Variants in FHIT observed in about 807,000 individuals in gnomAD.
The protein encoded by FHIT is fragile histidine triad diadenosine triphosphatase.
A neutral mutation model predicts 17.9 loss-of-function variants in FHIT; 19 were observed. The observed-to-expected ratio is 1.06, with a 90% confidence interval of 0.74 to 1.56. FHIT has a LOEUF of 1.56. FHIT is among the 40% of genes most tolerant of loss of function. The pLI, the probability that FHIT is intolerant of heterozygous loss-of-function variation, is 0.00. For synonymous variants in FHIT, 81 were observed against 69.7 expected, an observed-to-expected ratio of 1.16 and a Z score of -0.81; for missense variants, 248 against 189.2, an observed-to-expected ratio of 1.31 and a Z score of -1.82.
chr3:60,462,043 A>G (rs1037390747), intron 5 of FHIT, among the ~76,000 whole-genome samples: 5 of 152,204 alleles, frequency 3.3e-5, no homozygotes, highest in African/African-American at 1.2e-4. Context: ...GGTACACAGT[A>G]AAAACTAACA....
rs76920650 is a variant in FHIT, at chr3:59,946,632, T to G, written c.280-24218A>C. Among the ~76,000 whole-genome samples, 1,109 of 152,276 alleles carry G rather than the reference T, an allele frequency of 7.3e-3. 8 individuals carry two copies. The highest frequency in any genetic ancestry group is 0.025 in the African/African-American group (1,033 of 41,538). ...GGGAATGCTTCCAGCTTTTGTTCAT[T>G]TGGTATGATGTTGGCTATGGATTTG... is the stretch of plus-strand genomic sequence containing the variant. On this transcript the variant is annotated intron_variant, in intron 7 of 9. Transcript: ENST00000492590.
At chr3:60,926,744 C>T (rs1290960337) in intron 3 of FHIT, among the ~76,000 whole-genome samples, 1 of 152,042 alleles carries the variant, frequency 6.6e-6, no homozygotes, top group Non-Finnish European at 1.5e-5. Context: ...AAAAACCCTT[C>T]AAAAAATCAA....
At chr3:61,186,509 A>C (rs1243895215) in intron 2 of FHIT, among the ~76,000 whole-genome samples, 1 of 152,182 alleles carries the variant, frequency 6.6e-6, no homozygotes, top group Non-Finnish European at 1.5e-5. Flanking sequence ...AGCTGGCTGG[A>C]TATGCAAAGA....
chr3:59,995,950 G>C (rs77987618), intron 7 of FHIT, among the ~76,000 whole-genome samples: 1 of 152,152 alleles, frequency 6.6e-6, no homozygotes, highest in Non-Finnish European at 1.5e-5. Context: ...CCTTCACACA[G>C]GGGTGAGGCC....
At chr3:60,308,544 C>G (rs1708793654) in intron 5 of FHIT, among the ~76,000 whole-genome samples, 1 of 147,954 alleles carries the variant, frequency 6.8e-6, no homozygotes, top group African/African-American at 2.5e-5. Context: ...CTCAAATGCT[C>G]TTTGGACTGA....
At chr3:60,173,916 T>TATATATATATATA (rs1343702595) in intron 5 of FHIT, among the ~76,000 whole-genome samples, 12 of 68,048 alleles carry the variant, frequency 1.8e-4, no homozygotes, top group African/African-American at 3.1e-4. Flanking sequence ...TATATATATA[T>TATATATATATATA]GTTTTTTTTT....
At chr3:60,778,285 G>T (rs1333046726) in intron 4 of FHIT, among the ~76,000 whole-genome samples, 1 of 136,368 alleles carries the variant, frequency 7.3e-6, no homozygotes, top group Non-Finnish European at 1.6e-5. Flanking sequence ...TGGAAATTTT[G>T]CTATTCACAG....
intron 3 of FHIT, among the ~76,000 whole-genome samples, chr3:60,860,378 C>CATGACATACATCATATGTATAT (rs1245606241): frequency 1.9e-4 from 27 of 142,068 alleles, no homozygotes; most frequent in African/African-American, 5.7e-4. Context: ...CATATGTATA[C>CATGACATACATCATATGTATAT]ATGACATACA....
At chr3:60,186,021 G>A (rs756616188) in intron 5 of FHIT, among the ~76,000 whole-genome samples, 10 of 152,138 alleles carry the variant, frequency 6.6e-5, no homozygotes, top group Non-Finnish European at 1.2e-4. Flanking sequence ...CTGTTGAGTT[G>A]TAAGGGTTCT....
At chr3:60,556,092 T>C (rs1177537694) in intron 4 of FHIT, among the ~76,000 whole-genome samples, 4 of 152,176 alleles carry the variant, frequency 2.6e-5, no homozygotes, top group Admixed American at 6.5e-5. Flanking sequence ...GAACACTAAT[T>C]GGTCATTTTC....
At chr3:61,249,919 A>G (rs2040571996) in intron 1 of FHIT, among the ~76,000 whole-genome samples, 1 of 147,562 alleles carries the variant, frequency 6.8e-6, no homozygotes, top group South Asian at 2.1e-4. Context: ...AGAACAGCAT[A>G]TGCAATCAAT....
chr3:60,498,415 A>C (rs2034390791), intron 5 of FHIT, among the ~76,000 whole-genome samples: 1 of 152,156 alleles, frequency 6.6e-6, no homozygotes, highest in Admixed American at 6.6e-5. Context: ...TACTAGTTTA[A>C]ATTATGCTAT....
chr3:60,029,923 G>GTGTGTC (rs1559562991), intron 5 of FHIT, among the ~76,000 whole-genome samples: 14 of 151,510 alleles, frequency 9.2e-5, no homozygotes, highest in Admixed American at 8.5e-4. Context: ...GTGTGTGTGT[G>GTGTGTC]TGTGTACAAA....
At chr3:60,710,074 T>TAAAAAA (rs782196858) in intron 4 of FHIT, among the ~76,000 whole-genome samples, 5 of 80,592 alleles carry the variant, frequency 6.2e-5, no homozygotes, top group Non-Finnish European at 1.0e-4. Flanking sequence ...CACAGAATGC[T>TAAAAAA]AAAAAAAAAA....
intron 5 of FHIT, among the ~76,000 whole-genome samples, chr3:60,151,339 T>A (rs1445498568): frequency 6.6e-6 from 1 of 152,168 alleles, no homozygotes; most frequent in African/African-American, 2.4e-5. Context: ...ATCAAGACTC[T>A]GATCACTTCT....
At chr3:60,376,195 T>C (rs1700553170) in intron 5 of FHIT, among the ~76,000 whole-genome samples, 1 of 152,178 alleles carries the variant, frequency 6.6e-6, no homozygotes. Flanking sequence ...ACTAGGTCTG[T>C]CTTGATCCCA....
At chr3:60,599,928 G>A (rs1553668197) in intron 4 of FHIT, among the ~76,000 whole-genome samples, 1 of 151,988 alleles carries the variant, frequency 6.6e-6, no homozygotes, top group East Asian at 1.9e-4. Context: ...GATATTTATG[G>A]CCACTACTTA....
At chr3:60,172,051 T>C (rs1465583760) in intron 5 of FHIT, among the ~76,000 whole-genome samples, 1 of 152,186 alleles carries the variant, frequency 6.6e-6, no homozygotes, top group Non-Finnish European at 1.5e-5. Context: ...CCCCAGTTTT[T>C]ACAGAATATC....
chr3:60,385,647 A>G (rs570627889), intron 5 of FHIT, among the ~76,000 whole-genome samples: 5 of 152,302 alleles, frequency 3.3e-5, no homozygotes, highest in Admixed American at 3.3e-4. Context: ...TTGCACGATC[A>G]TGGCCTACTG....
Sources: allele counts gnomAD v4.1 joint callset (sites outside exome capture counted in the v4.1 genomes callset), GRCh38; gene constraint gnomAD v4.1.1; transcripts MANE v1.5; gene names NCBI Gene and HGNC (gene_info 2026-07-23, HGNC 2026-07-21).